DTNA: variants seen among roughly 807,000 people sequenced by gnomAD.
The protein encoded by DTNA is dystrobrevin alpha.
In DTNA, 43 loss-of-function variants were observed where a neutral mutation model predicts 100.7. The observed-to-expected ratio is 0.43, with a 90% CI of 0.33 to 0.55. The LOEUF is 0.55. Ranked by LOEUF, DTNA falls within the 20% of genes least tolerant of loss-of-function variation. The probability of loss-of-function intolerance (pLI) is 0.04; values close to 1 mark genes in which losing one functional copy is unlikely to be tolerated. For missense variants in DTNA, 798 were observed against 953.9 expected, an observed-to-expected ratio of 0.84 and a Z score of 2.15; for synonymous variants, 349 against 347.9, an observed-to-expected ratio of 1.00 and a Z score of -0.04.
At chr18:34,523,349 G>A (rs2042319422) in intron 1 of DTNA, among the ~76,000 whole-genome samples, 1 of 152,116 alleles carries the variant, frequency 6.6e-6, no homozygotes, top group Admixed American at 6.5e-5. Context: ...ATAGGACTCA[G>A]CCTGTAGCAC....
In DTNA at chr18:34,773,467, G is replaced by T. The variant is rs575494282; in HGVS notation, c.148+7426G>T. Among the ~76,000 whole-genome samples the T allele has an allele frequency of 5.9e-5, 9 of 152,342 alleles. 1 individual carries two copies. The South Asian group carries it at 1.9e-3, about 32-fold the overall frequency. ...CCTAGTCAAGGAGCCAGCAGGAAAAGCAGGAATATTCACAGTTGGGGAAAT... is the reference window on the plus strand; with the variant it reads ...CCTAGTCAAGGAGCCAGCAGGAAAATCAGGAATATTCACAGTTGGGGAAAT... On this transcript the variant is annotated intron_variant, in intron 3 of 22. Coordinates refer to ENST00000444659, the MANE Select transcript of DTNA (RefSeq NM_001386795.1).
In DTNA at chr18:34,890,092, T is replaced by A; in HGVS notation, c.*2358T>A. ...CCACTGACTGGACCGAGCTGGCATATGTTGTTTCTTTGTGTTTCTACATCA... is the reference window on the plus strand; with the variant it reads ...CCACTGACTGGACCGAGCTGGCATAAGTTGTTTCTTTGTGTTTCTACATCA... On this transcript the variant is annotated 3_prime_UTR_variant, in exon 23 of 23. Transcript: ENST00000444659. 2 of 1,398,704 alleles carry A rather than the reference T, an allele frequency of 1.4e-6. No homozygotes were observed. The highest frequency in any genetic ancestry group is 3.4e-5 in the South Asian group (2 of 58,160). 86.6% of individuals were successfully genotyped at this position (1,398,704 alleles called of 1,614,324 possible). A position where few individuals can be genotyped will look rare whatever the true frequency, so the allele number is the denominator to read the frequency against.
At chr18:34,648,346 G>A (rs543779586) in intron 1 of DTNA, among the ~76,000 whole-genome samples, 109 of 152,312 alleles carry the variant, frequency 7.2e-4, no homozygotes, top group Non-Finnish European at 1.3e-3. Context: ...GATCATGCTG[G>A]CTTTCTGTGA....
intron 16 of DTNA, among the ~76,000 whole-genome samples, chr18:34,859,875 A>G (rs990083853): frequency 1.3e-5 from 2 of 152,162 alleles, no homozygotes; most frequent in South Asian, 4.1e-4. Flanking sequence ...TGTGGGCTCC[A>G]TTTCAGACTA....
chr18:34,716,080 CAA>C (rs1032300959), intron 1 of DTNA, among the ~76,000 whole-genome samples: 7 of 152,112 alleles, frequency 4.6e-5, no homozygotes, highest in Admixed American at 3.3e-4. Context: ...CAATGTGTAG[CAA>C]AGTCTTTAAA....
intron 5 of DTNA, among the ~76,000 whole-genome samples, chr18:34,809,476 C>CA (rs1036094084): frequency 1.8e-4 from 27 of 151,184 alleles, no homozygotes; most frequent in Non-Finnish European, 2.4e-4. Context: ...CAAAACAAAA[C>CA]AAAAAAAACA....
intron 17 of DTNA, chr18:34,867,579 T>A: frequency 9.4e-7 from 1 of 1,068,128 alleles, no homozygotes; most frequent in Non-Finnish European, 1.1e-6. Flanking sequence ...AGCATGTGCA[T>A]AGAAAAAGGA....
Position 34,812,111 on chromosome 18 carries a change from C to T in DTNA, c.601C>T (p.Gln201Ter). ...GTCAGCCAGATCCTGTTTCTCCCAA[C>T]AGGTAGGAGAAAAATATGTTTAAGG... ...EQSARSCFSQ[Q>*]KKVTLNGFLD... is the part of the protein sequence containing the mutation. The change falls in exon 6 of 23, where the codon CAG becomes TAG. Residue 201 changes from glutamine to a stop codon, truncating the protein, a stop_gained and splice_region_variant. Coordinates refer to ENST00000444659, the MANE Select transcript of DTNA (RefSeq NM_001386795.1). LOFTEE classifies it high-confidence loss of function. The T allele has an allele frequency of 6.2e-7, 1 of 1,614,020 alleles. No individual in the cohort carries two copies. Among genetic ancestry groups the T allele is most frequent in the Non-Finnish European group, 8.5e-7 (1 of 1,179,904 alleles).
At chr18:34,799,193 T>C (rs922565127) in intron 4 of DTNA, among the ~76,000 whole-genome samples, 8 of 152,174 alleles carry the variant, frequency 5.3e-5, no homozygotes, top group African/African-American at 1.9e-4. Context: ...CACATAATAG[T>C]CTTACGTAGA....
rs539628482 is a variant in DTNA, at chr18:34,853,865, A to C, written c.1532+1937A>C. Among the ~76,000 whole-genome samples, 10 of 152,174 alleles carry C rather than the reference A, an allele frequency of 6.6e-5. 1 individual carries two copies. The highest frequency in any genetic ancestry group is 1.3e-4 in the Non-Finnish European group (9 of 68,044). On this transcript the variant is annotated intron_variant, in intron 15 of 22. Transcript: ENST00000444659. ...ATTTTATGTATCATTTATTATATCT[A>C]CTACGTGCAAGTAATTGTGCCAAGT...
chr18:34,650,540 A>G (rs1207773449), intron 1 of DTNA, among the ~76,000 whole-genome samples: 1 of 152,160 alleles, frequency 6.6e-6, no homozygotes, highest in Non-Finnish European at 1.5e-5. Context: ...CATCGTTTGA[A>G]TTTGAAGCCA....
At chr18:34,668,390 T>G (rs2076252580) in intron 1 of DTNA, among the ~76,000 whole-genome samples, 1 of 152,208 alleles carries the variant, frequency 6.6e-6, no homozygotes. Flanking sequence ...CTGGATTCGT[T>G]GATTTTTTGA....
chr18:34,606,346 T>C (rs1332331456), intron 1 of DTNA, among the ~76,000 whole-genome samples: 1 of 152,198 alleles, frequency 6.6e-6, no homozygotes, highest in East Asian at 1.9e-4. Flanking sequence ...AAGAAAACAT[T>C]TAATGTACTA....
intron 1 of DTNA, among the ~76,000 whole-genome samples, chr18:34,565,106 A>C (rs946639802): frequency 6.6e-6 from 1 of 152,230 alleles, no homozygotes; most frequent in Non-Finnish European, 1.5e-5. Flanking sequence ...AAGTCATACA[A>C]ATGAAAAGAA....
intron 1 of DTNA, among the ~76,000 whole-genome samples, chr18:34,742,629 T>TTCTATTATCTAGATAGATAGATAA (rs2090875663): frequency 7.3e-6 from 1 of 137,690 alleles, no homozygotes; most frequent in Non-Finnish European, 1.6e-5. Context: ...TCTGATTATC[T>TTCTATTATCTAGATAGATAGATAA]TCTATTATCT....
intron 1 of DTNA, among the ~76,000 whole-genome samples, chr18:34,524,927 A>G (rs2145328161): frequency 6.6e-6 from 1 of 152,292 alleles, no homozygotes; most frequent in African/African-American, 2.4e-5. Context: ...GGAGCTGTAT[A>G]TAAAAGGTGA....
intron 3 of DTNA, among the ~76,000 whole-genome samples, chr18:34,777,391 G>A (rs868280835): frequency 9.2e-5 from 14 of 152,152 alleles, no homozygotes; most frequent in Admixed American, 5.9e-4. Flanking sequence ...AAATACCACT[G>A]GAGGTCTACC....
intron 3 of DTNA, among the ~76,000 whole-genome samples, chr18:34,781,702 GAATAAATA>G (rs569759511): frequency 6.6e-6 from 1 of 152,000 alleles, no homozygotes; most frequent in Non-Finnish European, 1.5e-5. Context: ...ATGAATGAAT[GAATAAATA>G]AATAAATAAA....
At chr18:34,658,680 T>G (rs907443177) in intron 1 of DTNA, among the ~76,000 whole-genome samples, 2 of 152,134 alleles carry the variant, frequency 1.3e-5, no homozygotes, top group African/African-American at 4.8e-5. Context: ...TAAGTCAAAG[T>G]TTAAGCCCAA....
Sources: gnomAD v4.1 joint callset for allele counts (sites outside exome capture counted in the v4.1 genomes callset) on GRCh38, gnomAD v4.1.1 for gene constraint, MANE v1.5 for transcripts, NCBI Gene and HGNC (gene_info 2026-07-23, HGNC 2026-07-21) for gene names.